The following NRG1 variants were observed in gnomAD, a reference collection of about 807,000 sequenced individuals.
NRG1 encodes pro-neuregulin-1, membrane-bound isoform.
A neutral mutation model predicts 63.8 loss-of-function variants in NRG1; 18 were observed. The observed-to-expected ratio is 0.28, with a 90% confidence interval of 0.19 to 0.42. The LOEUF (loss-of-function observed/expected upper bound fraction) is 0.42. Among genes scored for constraint, NRG1 ranks in the 10% least tolerant of loss-of-function variants. The probability of loss-of-function intolerance (pLI) is 1.00; values close to 1 mark genes in which losing one functional copy is unlikely to be tolerated. For missense variants in NRG1, 762 were observed against 814.7 expected (o/e 0.94, Z 0.79); for synonymous variants, 302 against 301.3 (o/e 1.00, Z -0.02).
At chr8:31,810,429 C>T (rs1822775883) in intron 1 of NRG1, among the ~76,000 whole-genome samples, 1 of 152,150 alleles carries the variant, frequency 6.6e-6, no homozygotes, top group Non-Finnish European at 1.5e-5. Flanking sequence ...GTCCTGCTTA[C>T]TTCTCTGACT....
chr8:32,138,763 T>TC (rs1745671888), intron 1 of NRG1, among the ~76,000 whole-genome samples: 1 of 152,012 alleles, frequency 6.6e-6, no homozygotes, highest in African/African-American at 2.4e-5. Context: ...AAACAGGGTT[T>TC]CACCATATTG....
intron 1 of NRG1, among the ~76,000 whole-genome samples, chr8:32,162,123 C>T (rs1277292563): frequency 6.6e-6 from 1 of 152,194 alleles, no homozygotes. Context: ...TCACTTTTCT[C>T]TTTACGTAGT....
chr8:31,662,611 A>G (rs1005627314), intron 1 of NRG1, among the ~76,000 whole-genome samples: 1 of 152,136 alleles, frequency 6.6e-6, no homozygotes, highest in African/African-American at 2.4e-5. Context: ...GATAGATGCA[A>G]TGGTAAATAA....
intron 1 of NRG1, among the ~76,000 whole-genome samples, chr8:32,528,642 T>G (rs573465857): frequency 6.6e-6 from 1 of 152,284 alleles, no homozygotes; most frequent in East Asian, 1.9e-4. Context: ...GAGTAGATAA[T>G]AGAGGAGTGG....
intron 1 of NRG1, among the ~76,000 whole-genome samples, chr8:31,838,700 G>A (rs1418548764): frequency 6.6e-6 from 1 of 151,932 alleles, no homozygotes; most frequent in African/African-American, 2.4e-5. Context: ...TCTTCAAAAT[G>A]GGCCTTTTGC....
chr8:31,915,865 C>T (rs73673937), intron 1 of NRG1, among the ~76,000 whole-genome samples: 1,809 of 152,024 alleles, frequency 0.012, 40 homozygotes, highest in African/African-American at 0.04. Flanking sequence ...CATCGAGTAC[C>T]CTTCTCTCTT....
intron 1 of NRG1, among the ~76,000 whole-genome samples, chr8:32,201,918 G>A (rs531029905): frequency 6.6e-6 from 1 of 152,278 alleles, no homozygotes; most frequent in Non-Finnish European, 1.5e-5. Context: ...TAGTCTTGCT[G>A]AAAGTTCTGC....
intron 1 of NRG1, among the ~76,000 whole-genome samples, chr8:32,072,553 A>C (rs1825909030): frequency 6.6e-6 from 1 of 151,606 alleles, no homozygotes; most frequent in African/African-American, 2.4e-5. Flanking sequence ...AAATTCTTTT[A>C]ATTGTTTTTT....
chr8:32,506,232 C>T (rs896022182), intron 1 of NRG1, among the ~76,000 whole-genome samples: 1 of 152,030 alleles, frequency 6.6e-6, no homozygotes, highest in Non-Finnish European at 1.5e-5. Flanking sequence ...TGGGCAAGAC[C>T]TTGTCTCTTT....
chr8:31,686,849 A>G (rs193028848), intron 1 of NRG1, among the ~76,000 whole-genome samples: 1 of 151,396 alleles, frequency 6.6e-6, no homozygotes, highest in Non-Finnish European at 1.5e-5. Flanking sequence ...GCTCACTGCA[A>G]CCTCCGCTTC....
intron 1 of NRG1, among the ~76,000 whole-genome samples, chr8:32,237,108 G>A (rs28691677): frequency 0.021 from 3,180 of 152,288 alleles, 116 homozygotes; most frequent in African/African-American, 0.073. Flanking sequence ...TATATCAGGT[G>A]CAGGAGAAGT....
At chr8:31,882,329 TA>T (rs745615085) in intron 1 of NRG1, among the ~76,000 whole-genome samples, 1,100 of 79,822 alleles carry the variant, frequency 0.014, 7 homozygotes, top group African/African-American at 0.027. Flanking sequence ...GCTCAAAAAC[TA>T]AAAAAAAAAA....
At position 32,754,357 on chromosome 8, in the gene NRG1, C is replaced by T. The variant is rs1004173086; in HGVS notation, c.692-15C>T. The T allele has an allele frequency of 3.7e-6, 6 of 1,611,520 alleles. No homozygotes were observed. Among genetic ancestry groups the T allele is most frequent in the Non-Finnish European group, 5.1e-6 (6 of 1,178,388 alleles). ...GAAGTGACCTGTGATGACATCTGCTCTCATCCCTTTCCAGAGGCGGAGGAG... is the reference window on the plus strand; with the variant it reads ...GAAGTGACCTGTGATGACATCTGCTTTCATCCCTTTCCAGAGGCGGAGGAG... On this transcript the variant is annotated splice_polypyrimidine_tract_variant and intron_variant, in intron 7 of 11. Coordinates refer to ENST00000356819, the Ensembl canonical transcript of NRG1.
At chr8:31,705,289 A>C (rs1811041985) in intron 1 of NRG1, among the ~76,000 whole-genome samples, 1 of 151,962 alleles carries the variant, frequency 6.6e-6, no homozygotes. Context: ...CTTGTGATCC[A>C]CCTGCTTTGG....
At chr8:32,610,934 A>G (rs1157879698) in intron 3 of NRG1, among the ~76,000 whole-genome samples, 2 of 152,040 alleles carry the variant, frequency 1.3e-5, no homozygotes, top group East Asian at 3.9e-4. Flanking sequence ...CACCCTACAC[A>G]CTATATGTTC....
At chr8:32,763,252 G>A (rs1466015735) in intron 11 of NRG1, 1 of 1,613,898 alleles carries the variant, frequency 6.2e-7, no homozygotes. Context: ...GAGAAACAAG[G>A]CACACAGATC....
intron 1 of NRG1, among the ~76,000 whole-genome samples, chr8:31,724,703 A>G (rs1333872106): frequency 6.6e-6 from 1 of 152,184 alleles, no homozygotes; most frequent in African/African-American, 2.4e-5. Context: ...GACAAAATGA[A>G]AGAATATGAA....
chr8:32,074,838 G>C (rs1213846990), intron 1 of NRG1, among the ~76,000 whole-genome samples: 2 of 152,118 alleles, frequency 1.3e-5, no homozygotes, highest in Non-Finnish European at 2.9e-5. Context: ...TGAACAAACT[G>C]TTGTTTTTTT....
intron 6 of NRG1, among the ~76,000 whole-genome samples, chr8:32,738,472 C>G (rs921391612): frequency 6.6e-6 from 1 of 151,816 alleles, no homozygotes; most frequent in Admixed American, 6.6e-5. Context: ...AAAGCTACAA[C>G]AAGTACTTGT....
Sources: gnomAD v4.1 joint callset for allele counts (sites outside exome capture counted in the v4.1 genomes callset) on GRCh38, gnomAD v4.1.1 for gene constraint, MANE v1.5 for transcripts, NCBI Gene and HGNC (gene_info 2026-07-23, HGNC 2026-07-21) for gene names.